Variants in GREM2 observed in about 807,000 individuals in gnomAD.
GREM2 encodes gremlin 2, DAN family BMP antagonist.
Under a neutral mutation model 14.2 loss-of-function variants are expected in GREM2, and 11 were observed. The observed-to-expected ratio is 0.78, with a 90% CI of 0.49 to 1.28. The LOEUF is 1.28. Ranked by LOEUF, GREM2 falls within the 50% of genes most tolerant of loss-of-function variation. The pLI, the probability that GREM2 is intolerant of heterozygous loss-of-function variation, is 0.00. For synonymous variants in GREM2, 98 were observed against 97.6 expected, an observed-to-expected ratio of 1.00 and a Z score of -0.02; for missense variants, 210 against 218.5, an observed-to-expected ratio of 0.96 and a Z score of 0.24.
At chr1:240,499,077 A>G (rs1677503693) in intron 1 of GREM2, among the ~76,000 whole-genome samples, 1 of 152,246 alleles carries the variant, frequency 6.6e-6, no homozygotes, top group South Asian at 2.1e-4. Context: ...TAAGGAATCC[A>G]TCACAGGCCC....
intron 1 of GREM2, among the ~76,000 whole-genome samples, chr1:240,611,436 C>T (rs895595515): frequency 6.6e-6 from 1 of 152,058 alleles, no homozygotes; most frequent in African/African-American, 2.4e-5. Context: ...AAAACTCTGC[C>T]GAAGTCCGCT....
At chr1:240,608,527 C>T (rs190205531) in intron 1 of GREM2, among the ~76,000 whole-genome samples, 6 of 152,244 alleles carry the variant, frequency 3.9e-5, no homozygotes, top group African/African-American at 1.2e-4. Context: ...TTCCTCTCAG[C>T]CTTTACAGTC....
At chr1:240,544,369 G>A (rs190987161) in intron 1 of GREM2, among the ~76,000 whole-genome samples, 33 of 152,066 alleles carry the variant, frequency 2.2e-4, no homozygotes, top group Admixed American at 1.4e-3. Context: ...GGATGGTCTC[G>A]ATCTCCTGAC....
intron 1 of GREM2, among the ~76,000 whole-genome samples, chr1:240,514,528 T>C (rs1190191208): frequency 6.6e-6 from 1 of 152,142 alleles, no homozygotes; most frequent in African/African-American, 2.4e-5. Context: ...CGGATGAACA[T>C]ATTTAAACAG....
Position 240,498,298 on chromosome 1 carries a change from G to A in GREM2, c.-1-4822C>T, listed in dbSNP as rs186211193. Among the ~76,000 whole-genome samples the A allele has an allele frequency of 9.8e-5, 15 of 152,326 alleles. No individual in the cohort carries two copies. The East Asian group carries it at 2.9e-3, about 29-fold the overall frequency. On this transcript the variant is annotated intron_variant, in intron 1 of 1. Coordinates refer to ENST00000318160, the MANE Select transcript of GREM2 (RefSeq NM_022469.4). ...TTCAGGAAGGGGGAAAAGTGGTTGA[G>A]GAAATCTCGATGACTGGGGCGAAGT... is the stretch of plus-strand genomic sequence containing the variant.
At chr1:240,565,522 G>A (rs913865114) in intron 1 of GREM2, among the ~76,000 whole-genome samples, 2 of 152,048 alleles carry the variant, frequency 1.3e-5, no homozygotes. Context: ...ACTTTGGTCT[G>A]TTGGGTACGA....
At chr1:240,529,220 A>ATT (rs1177224876) in intron 1 of GREM2, among the ~76,000 whole-genome samples, 1 of 128,742 alleles carries the variant, frequency 7.8e-6, no homozygotes, top group Non-Finnish European at 1.6e-5. Context: ...TGATTGACTC[A>ATT]TTTGAACCAG....
At position 240,497,918 on chromosome 1, in the gene GREM2, T is replaced by C. The variant is rs1012232638; in HGVS notation, c.-1-4442A>G. Among the ~76,000 whole-genome samples, 5 of 152,188 alleles carry C rather than the reference T, an allele frequency of 3.3e-5. No individual in the cohort carries two copies. In the South Asian group the frequency reaches 1.0e-3, roughly 31 times the overall value. On this transcript the variant is annotated intron_variant, in intron 1 of 1. Coordinates refer to ENST00000318160, the MANE Select transcript of GREM2 (RefSeq NM_022469.4). Reference sequence around the variant, plus strand: ...TCCATTTTAATAATTTCCGAAATTATTAACATTCTGAGTAAACATAACCAA... The same window carrying C: ...TCCATTTTAATAATTTCCGAAATTACTAACATTCTGAGTAAACATAACCAA...
At chr1:240,546,510 C>A (rs559822749) in intron 1 of GREM2, among the ~76,000 whole-genome samples, 3 of 152,156 alleles carry the variant, frequency 2.0e-5, no homozygotes, top group Admixed American at 6.5e-5. Flanking sequence ...AAGGGCAAGA[C>A]TTTATCATAT....
At chr1:240,580,559 G>A (rs1016265431) in intron 1 of GREM2, among the ~76,000 whole-genome samples, 1 of 152,134 alleles carries the variant, frequency 6.6e-6, no homozygotes, top group African/African-American at 2.4e-5. Flanking sequence ...GCAACATTTA[G>A]TTGAAACATA....
At chr1:240,579,634 A>G (rs1572408305) in intron 1 of GREM2, among the ~76,000 whole-genome samples, 1 of 152,186 alleles carries the variant, frequency 6.6e-6, no homozygotes. Flanking sequence ...GGGTGTGAAC[A>G]TCTCTCTACA....
intron 1 of GREM2, among the ~76,000 whole-genome samples, chr1:240,590,388 C>T (rs780869175): frequency 6.6e-6 from 1 of 151,480 alleles, no homozygotes; most frequent in South Asian, 2.1e-4. Context: ...TCTGGTCCTG[C>T]TCTTTATGGG....
intron 1 of GREM2, among the ~76,000 whole-genome samples, chr1:240,562,928 A>G (rs924234020): frequency 2.9e-5 from 4 of 137,308 alleles, no homozygotes; most frequent in African/African-American, 5.8e-5. Context: ...GTGTATGTGT[A>G]TGTGTGTGAG....
At chr1:240,497,169 C>G (rs936200752) in intron 1 of GREM2, among the ~76,000 whole-genome samples, 2 of 152,174 alleles carry the variant, frequency 1.3e-5, no homozygotes, top group Non-Finnish European at 2.9e-5. Context: ...TGGTAGTGAT[C>G]CTGTGACCAA....
rs536681993 is a variant in GREM2 at position 240,608,791 on chromosome 1, G to C, written c.-2+3093C>G. 1.1e-4 allele frequency among the ~76,000 whole-genome samples: 16 copies of C among 152,296 alleles called. 1 individual carries two copies. Among genetic ancestry groups the C allele is most frequent in the Admixed American group, 9.8e-4 (15 of 15,296 alleles). On this transcript the variant is annotated intron_variant, in intron 1 of 1. Coordinates refer to ENST00000318160, the MANE Select transcript of GREM2 (RefSeq NM_022469.4). Reference sequence around the variant, plus strand: ...CTTCTGGATGGTGTGCCTTTACTAAGACTCTAGAGTTGGCTCTCCAAAGGG... The same window carrying C: ...CTTCTGGATGGTGTGCCTTTACTAACACTCTAGAGTTGGCTCTCCAAAGGG...
intron 1 of GREM2, among the ~76,000 whole-genome samples, chr1:240,549,044 A>G (rs1488670414): frequency 2.0e-5 from 3 of 152,130 alleles, no homozygotes; most frequent in Admixed American, 6.6e-5. Flanking sequence ...GACTGTTAAG[A>G]AGTAAAGCAA....
chr1:240,572,598 G>T (rs1314278442), intron 1 of GREM2, among the ~76,000 whole-genome samples: 1 of 152,146 alleles, frequency 6.6e-6, no homozygotes, highest in Non-Finnish European at 1.5e-5. Context: ...AATGATTATA[G>T]GGAGTTAAAA....
intron 1 of GREM2, among the ~76,000 whole-genome samples, chr1:240,575,400 G>T (rs1023233407): frequency 6.6e-6 from 1 of 152,060 alleles, no homozygotes; most frequent in Non-Finnish European, 1.5e-5. Flanking sequence ...ACTGGGTTGG[G>T]GGGTGGGGGT....
rs371595888 is a variant in GREM2 at position 240,606,934 on chromosome 1, T to C, written c.-2+4950A>G. On this transcript the variant is annotated intron_variant, in intron 1 of 1. Transcript: ENST00000318160. The stretch of plus-strand genomic sequence containing the variant: ...CTCAAGTGATCCACCCACCTCGGCC[T>C]CCCAAAATGCTGGGATTACAGGCGT... Among the ~76,000 whole-genome samples, 16 of 152,232 alleles carry C rather than the reference T, an allele frequency of 1.1e-4. 1 individual carries two copies. Among genetic ancestry groups the C allele is most frequent in the Admixed American group, 5.9e-4 (9 of 15,294 alleles).
Sources: gnomAD v4.1 joint callset for allele counts (sites outside exome capture counted in the v4.1 genomes callset) on GRCh38, gnomAD v4.1.1 for gene constraint, MANE v1.5 for transcripts, NCBI Gene and HGNC (gene_info 2026-07-23, HGNC 2026-07-21) for gene names.